EXD3: variants seen among roughly 807,000 people sequenced by gnomAD.
EXD3 encodes exonuclease 3'-5' domain containing 3.
Under a neutral mutation model 98.0 loss-of-function variants are expected in EXD3, and 92 were observed. The ratio of observed to expected loss-of-function variants is 0.94; its 90% CI spans 0.79 to 1.12. The LOEUF (loss-of-function observed/expected upper bound fraction) is 1.12, where lower values mean the gene tolerates loss of function less well. EXD3 is among the 50% of genes most tolerant of loss of function. The pLI, the probability that EXD3 is intolerant of heterozygous loss-of-function variation, is 0.00. For missense variants in EXD3, 1,222 were observed against 1,191.6 expected (o/e 1.03, Z -0.38); for synonymous variants, 569 against 526.0 (o/e 1.08, Z -1.12).
At chr9:137,328,988 C>G (rs111216875) in intron 17 of EXD3, among the ~76,000 whole-genome samples, 1 of 15,686 alleles carries the variant, frequency 6.4e-5, no homozygotes, top group Non-Finnish European at 1.1e-4. Flanking sequence ...CGGGACTACA[C>G]GGGGCTACAC....
rs1436022702 is a variant in EXD3, at chr9:137,420,270, A to C, written c.-48+2844T>G. On this transcript the variant is annotated intron_variant, in intron 1 of 21. Coordinates refer to ENST00000340951, the MANE Select transcript of EXD3 (RefSeq NM_017820.5). ...TCGAAACCTTGCTGACTCTTTTTAT[A>C]TTTTGTTTTCCAGAGTCAGAAAACC... Among the ~76,000 whole-genome samples the C allele has an allele frequency of 2.6e-5, 4 of 152,044 alleles. No homozygotes were observed. In the East Asian group the frequency reaches 7.7e-4, roughly 29 times the overall value.
intron 2 of EXD3, among the ~76,000 whole-genome samples, chr9:137,389,651 A>C (rs1836788553): frequency 6.6e-6 from 1 of 152,028 alleles, no homozygotes; most frequent in South Asian, 2.1e-4. Context: ...TCGGAGCGAG[A>C]GGGACAGAGA....
At chr9:137,331,490 T>C (rs1833060449) in intron 17 of EXD3, among the ~76,000 whole-genome samples, 1 of 152,198 alleles carries the variant, frequency 6.6e-6, no homozygotes, top group Non-Finnish European at 1.5e-5. Context: ...GCCAATGTTA[T>C]GACTGTATAC....
intron 10 of EXD3, chr9:137,353,022 C>T: frequency 1.5e-6 from 2 of 1,353,288 alleles, no homozygotes; most frequent in Non-Finnish European, 1.9e-6. Flanking sequence ...CAGTGTAGCC[C>T]CGGCTGGCCT....
intron 1 of EXD3, among the ~76,000 whole-genome samples, chr9:137,396,756 C>T (rs997950154): frequency 3.9e-5 from 6 of 152,242 alleles, no homozygotes; most frequent in Non-Finnish European, 5.9e-5. Context: ...TCCTTTCTCA[C>T]GCAGGCTGCT....
chr9:137,344,441 G>A (rs1269793134), intron 17 of EXD3, among the ~76,000 whole-genome samples: 3 of 152,144 alleles, frequency 2.0e-5, no homozygotes, highest in Non-Finnish European at 2.9e-5. Context: ...ACATGTCTGG[G>A]AAGATTGTGA....
chr9:137,320,867 C>T (rs1831993115), intron 19 of EXD3, among the ~76,000 whole-genome samples: 1 of 152,212 alleles, frequency 6.6e-6, no homozygotes, highest in Admixed American at 6.5e-5. Context: ...AACATGCCTC[C>T]CCAGGCGTCC....
In EXD3 at chr9:137,407,968, CGCCTCCGGGGGTCTCCCCAGCCTCAT is replaced by C. The variant is rs1040510246; in HGVS notation, c.-47-12590_-47-12565del. ...AGCCTCCAGGGGTTTTCCAGCCTCA[CGCCTCCGGGGGTCTCCCCAGCCTCAT>C]GCCTCTGGGGATCTCCCACCCTCAT... is the stretch of plus-strand genomic sequence containing the variant. On this transcript the variant is annotated intron_variant, in intron 1 of 21. Transcript: ENST00000340951. The surrounding 1 kb of genome is among the most constrained non-coding windows in gnomAD (Gnocchi z 4.4). Among the ~76,000 whole-genome samples, 1 of 152,034 alleles carries C rather than the reference CGCCTCCGGGGGTCTCCCCAGCCTCAT, an allele frequency of 6.6e-6. No individual in the cohort carries two copies. The highest frequency in any genetic ancestry group is 2.4e-5 in the African/African-American group (1 of 41,438).
At chr9:137,422,705 G>C (rs1198129212) in intron 1 of EXD3, among the ~76,000 whole-genome samples, 1 of 152,216 alleles carries the variant, frequency 6.6e-6, no homozygotes, top group African/African-American at 2.4e-5. Flanking sequence ...CCCCTGCAGG[G>C]AGGCGCCCGT....
chr9:137,401,560 A>T (rs1837482987), intron 1 of EXD3, among the ~76,000 whole-genome samples: 1 of 152,212 alleles, frequency 6.6e-6, no homozygotes, highest in South Asian at 2.1e-4. Flanking sequence ...ACATCTTCTG[A>T]AATGTAGGCA....
rs756751194 is a variant in EXD3, at chr9:137,367,944, C to A, written c.508G>T (p.Val170Phe). The change falls in exon 6 of 22, where the codon GTT (valine) becomes TTT (phenylalanine). Residue 170 changes from valine to phenylalanine, a missense_variant. Coordinates refer to ENST00000340951, the MANE Select transcript of EXD3 (RefSeq NM_017820.5). ...ATLKLQSELG[V>F]EKMSIPLLLQ... ...ATGAGAAAGACGTTCACCTTTTCAACGCCAAGCTCCGACTGCAGCTTCAAC... is the reference window on the plus strand; with the variant it reads ...ATGAGAAAGACGTTCACCTTTTCAAAGCCAAGCTCCGACTGCAGCTTCAAC... 6.1e-5 allele frequency: 98 copies of A among 1,611,968 alleles called. No individual in the cohort carries two copies. The highest frequency in any genetic ancestry group is 1.6e-4 in the Middle Eastern group (1 of 6,080).
At chr9:137,363,335 CTTTTTT>C (rs71387828) in intron 7 of EXD3, among the ~76,000 whole-genome samples, 3 of 81,188 alleles carry the variant, frequency 3.7e-5, no homozygotes, top group Admixed American at 1.6e-4. Flanking sequence ...GTGCAATTTC[CTTTTTT>C]TTTTTTTTTT....
At position 137,347,945 on chromosome 9, in the gene EXD3, G is replaced by T; in HGVS notation, c.1998+126C>A. The stretch of plus-strand genomic sequence containing the variant: ...TTGGCCACCCCGTCCTGTTCCCAGA[G>T]CCTGCCTGGCACAGCTGGCAGCCAT... On this transcript the variant is annotated intron_variant, in intron 17 of 21. Coordinates refer to ENST00000340951, the MANE Select transcript of EXD3 (RefSeq NM_017820.5). The surrounding 1 kb of genome is among the most constrained non-coding windows in gnomAD (Gnocchi z 4.2). The T allele has an allele frequency of 8.3e-7, 1 of 1,204,260 alleles. No homozygotes were observed. Among genetic ancestry groups the T allele is most frequent in the Non-Finnish European group, 1.1e-6 (1 of 874,450 alleles). 74.6% of individuals were successfully genotyped at this position (1,204,260 alleles called of 1,614,324 possible).
intron 1 of EXD3, among the ~76,000 whole-genome samples, chr9:137,396,537 C>T (rs139868526): frequency 1.7e-4 from 26 of 152,264 alleles, no homozygotes; most frequent in African/African-American, 4.3e-4. Flanking sequence ...CAGCCACACG[C>T]GGCACAGTCA....
In EXD3 at chr9:137,356,283, A is replaced by G; in HGVS notation, c.742T>C (p.Tyr248His). ...CTGGACTCACCTGGGGCTACGCCGT[A>G]CCGCTCCTGCAGACGCAAGACCTGC... ...SRQVLRLQER[Y>H]GVAPALCPNA... The change falls in exon 8 of 22, where the codon TAC becomes CAC. Residue 248 changes from tyrosine (Y) to histidine (H), a missense_variant. Transcript: ENST00000340951. 6.2e-7 allele frequency: 1 copy of G among 1,601,590 alleles called. No individual in the cohort carries two copies.
At chr9:137,356,716 T>A (rs1834809462) in intron 7 of EXD3, among the ~76,000 whole-genome samples, 1 of 152,252 alleles carries the variant, frequency 6.6e-6, no homozygotes, top group Non-Finnish European at 1.5e-5. Context: ...GGTGATATTC[T>A]GGCTGTGCAA....
chr9:137,413,955 T>G (rs1838121915), intron 1 of EXD3, among the ~76,000 whole-genome samples: 2 of 150,292 alleles, frequency 1.3e-5, no homozygotes, highest in Admixed American at 6.6e-5. Context: ...CTCACTCTGT[T>G]GCTCAGGCTG....
Position 137,349,535 on chromosome 9 carries a change from C to A in EXD3, c.1495-4G>T. The A allele has an allele frequency of 6.3e-7, 1 of 1,578,794 alleles. No individual in the cohort carries two copies. Among genetic ancestry groups the A allele is most frequent in the Non-Finnish European group, 8.6e-7 (1 of 1,164,518 alleles). On this transcript the variant is annotated splice_region_variant and splice_polypyrimidine_tract_variant and intron_variant, in intron 14 of 21. Transcript: ENST00000340951. This position sits in a 1 kb window ranked among gnomAD's most constrained non-coding sequence, Gnocchi z 7.4. ...CTGGCACGCTCGCCACCCGCATCTGCTAAGACAGTGCCCTGCAGGGTAACG... is the reference window on the plus strand; with the variant it reads ...CTGGCACGCTCGCCACCCGCATCTGATAAGACAGTGCCCTGCAGGGTAACG...
intron 19 of EXD3, among the ~76,000 whole-genome samples, chr9:137,316,978 C>T (rs950239403): frequency 2.0e-5 from 3 of 152,150 alleles, no homozygotes. Flanking sequence ...CTCTTCTCCT[C>T]TCCCCACTTC....
Sources: gnomAD v4.1 joint callset for allele counts (sites outside exome capture counted in the v4.1 genomes callset) on GRCh38, gnomAD v4.1.1 for gene constraint, Gnocchi (gnomAD v3.1) non-coding constraint, MANE v1.5 for transcripts, NCBI Gene and HGNC (gene_info 2026-07-23, HGNC 2026-07-21) for gene names.